The following PHKG2 variants were observed in gnomAD, a reference collection of about 807,000 sequenced individuals.
PHKG2 encodes phosphorylase kinase catalytic subunit gamma 2.
A neutral mutation model predicts 44.5 loss-of-function variants in PHKG2; 28 were observed. The observed-to-expected ratio is 0.63, with a 90% CI of 0.47 to 0.86. PHKG2 has a LOEUF of 0.86. PHKG2 is among the 40% of genes least tolerant of loss of function. PHKG2 has a pLI of 0.00. For missense variants in PHKG2, 498 were observed against 547.5 expected, an observed-to-expected ratio of 0.91 and a Z score of 0.90; for synonymous variants, 220 against 211.2, an observed-to-expected ratio of 1.04 and a Z score of -0.36.
chr16:30,758,789 A>C lies in PHKG2; in HGVS notation c.*1692A>C. On this transcript the variant is annotated 3_prime_UTR_variant, in exon 10 of 10. Coordinates refer to ENST00000563588, the MANE Select transcript of PHKG2 (RefSeq NM_000294.3). ...AGGCTGGTCGCGAACTCCTGAGCTC[A>C]GGCAATCCGCCTGCCTCAGATTGTG... 1.4e-6 allele frequency: 1 copy of C among 705,180 alleles called. No individual in the cohort carries two copies. Among genetic ancestry groups the C allele is most frequent in the East Asian group, 2.9e-5 (1 of 34,008 alleles). The allele number at this position is 705,180 out of a possible 1,614,324, so 43.7% of individuals were successfully genotyped here.
chr16:30,756,488 T>A lies in PHKG2; in HGVS notation c.769T>A (p.Trp257Arg). 1 of 1,613,302 alleles carries A rather than the reference T, an allele frequency of 6.2e-7. No homozygotes were observed. The highest frequency in any genetic ancestry group is 8.5e-7 in the Non-Finnish European group (1 of 1,179,968). ...EGQYQFSSPE[W>R]DDRSSTVKDL... is the part of the protein sequence containing the mutation. ...CCAGTACCAGTTCAGTTCCCCCGAG[T>A]GGGATGACCGTTCCAGCACTGTCAA... Residue 257 changes from tryptophan to arginine, a missense_variant, in exon 8 of 10, where the codon TGG becomes AGG. Coordinates refer to ENST00000563588, the MANE Select transcript of PHKG2 (RefSeq NM_000294.3).
In PHKG2 at chr16:30,756,795, C is replaced by A. The variant is rs886051913; in HGVS notation, c.928-9C>A. ...CCTGCACTAGAGCTCACCCTGCCCC[C>A]CTTCCCAGGTGGCAGTGTGGACAGT... On this transcript the variant is annotated splice_polypyrimidine_tract_variant and intron_variant, in intron 9 of 9. Coordinates refer to ENST00000563588, the MANE Select transcript of PHKG2 (RefSeq NM_000294.3). The A allele has an allele frequency of 6.2e-7, 1 of 1,614,152 alleles. No individual in the cohort carries two copies. Among genetic ancestry groups the A allele is most frequent in the Non-Finnish European group, 8.5e-7 (1 of 1,180,038 alleles).
chr16:30,755,675 C>G (rs1287287743), intron 6 of PHKG2, among the ~76,000 whole-genome samples: 1 of 151,262 alleles, frequency 6.6e-6, no homozygotes, highest in Non-Finnish European at 1.5e-5. Flanking sequence ...GACTCCATCT[C>G]CAAAAAAAAA....
rs1330541599 is a variant in PHKG2 at position 30,748,466 on chromosome 16, C to T, written c.-43C>T. The T allele has an allele frequency of 2.9e-5, 10 of 345,422 alleles. No individual in the cohort carries two copies. The highest frequency in any genetic ancestry group is 2.2e-5 in the African/African-American group (1 of 45,478). The allele number at this position is 345,422 out of a possible 1,614,324, so 21.4% of individuals were successfully genotyped here. A position where few individuals can be genotyped will look rare whatever the true frequency, so the allele number is the denominator to read the frequency against. ...GGCGACAGCGCAGCTCGCGTCGACC[C>T]TGGCTCCTCTGCCTGCCCCCTCAGG... On this transcript the variant is annotated 5_prime_UTR_variant, in exon 1 of 10. Transcript: ENST00000563588.
intron 3 of PHKG2, 72 bp from the exon 4 acceptor site, chr16:30,751,477 T>C: frequency 7.0e-7 from 1 of 1,426,928 alleles, no homozygotes; most frequent in Non-Finnish European, 9.9e-7. Context: ...TGTCCCAGGG[T>C]GGCCAAGCCC....
Position 30,749,109 on chromosome 16 carries a change from CTGGTGG to C in PHKG2, c.95+197_95+202del, listed in dbSNP as rs200724112. Among the ~76,000 whole-genome samples, 15 of 16,598 alleles carry C rather than the reference CTGGTGG, an allele frequency of 9.0e-4. 1 individual carries two copies. The highest frequency in any genetic ancestry group is 1.7e-3 in the African/African-American group (9 of 5,414). 10.9% of individuals were successfully genotyped at this position (16,598 alleles called of 152,430 possible). ...GGTGGTGCTGCTGCTGCTGCTGCTG[CTGGTGG>C]TGCTGGTGCTGGTGGTGGTGGTGCT... On this transcript the variant is annotated intron_variant, in intron 2 of 9. Coordinates refer to ENST00000563588, the MANE Select transcript of PHKG2 (RefSeq NM_000294.3).
chr16:30,759,562 A>G lies in PHKG2; in HGVS notation c.*2465A>G. The G allele has an allele frequency of 6.2e-7, 1 of 1,614,122 alleles. No homozygotes were observed. On this transcript the variant is annotated 3_prime_UTR_variant, in exon 10 of 10. Transcript: ENST00000563588. ...GCAAGGAGAGCCCACTGGGGTCTTCACAAGAAGATAAGGGTGATGAATGTG... is the reference window on the plus strand; with the variant it reads ...GCAAGGAGAGCCCACTGGGGTCTTCGCAAGAAGATAAGGGTGATGAATGTG...
intron 1 of PHKG2, 66 bp from the exon 2 acceptor site, chr16:30,748,724 GCGCCCCCGGGAGC>G: frequency 1.7e-6 from 1 of 583,058 alleles, no homozygotes; most frequent in Non-Finnish European, 2.9e-6. Context: ...TGCAAGGGCT[GCGCCCCCGGGAGC>G]CGCCATGCGG....
At chr16:30,753,750 C>G (rs1027080798) in intron 6 of PHKG2, among the ~76,000 whole-genome samples, 193 bp downstream of exon 6, 1 of 152,164 alleles carries the variant, frequency 6.6e-6, no homozygotes, top group African/African-American at 2.4e-5. Flanking sequence ...AGGATGGAGA[C>G]AGACAAGCAG....
At chr16:30,749,696 G>T (rs1202783333) in intron 2 of PHKG2, among the ~76,000 whole-genome samples, 2 of 152,200 alleles carry the variant, frequency 1.3e-5, no homozygotes, top group Admixed American at 1.3e-4. Flanking sequence ...AACACCTAGT[G>T]ACTAGACTCT....
rs372951902 is a variant in PHKG2, at chr16:30,748,957, G to A, written c.95+42G>A. 4.9e-5 allele frequency: 69 copies of A among 1,408,412 alleles called. 1 individual carries two copies. The African/African-American group carries it at 9.2e-4, about 19-fold the overall frequency. The allele number at this position is 1,408,412 out of a possible 1,614,324, so 87.2% of individuals were successfully genotyped here. On this transcript the variant is annotated intron_variant, in intron 2 of 9. Coordinates refer to ENST00000563588, the MANE Select transcript of PHKG2 (RefSeq NM_000294.3). ...GGAAACGGAGGTCCAAAGAGGTCGA[G>A]CCCCAGCATTCCCGCTTCCGTTTGA...
Position 30,757,554 on chromosome 16 carries a change from T to TTC in PHKG2, c.*458_*459dup. ...GTGCAGTCAACTTGCTGCTGAGCCTTTCCTCGCTGGCCTTGAGCCGCTCCT... is the reference window on the plus strand; with the variant it reads ...GTGCAGTCAACTTGCTGCTGAGCCTTTCTCCTCGCTGGCCTTGAGCCGCTCCT... On this transcript the variant is annotated 3_prime_UTR_variant, in exon 10 of 10. Transcript: ENST00000563588. The TTC allele has an allele frequency of 6.2e-7, 1 of 1,614,230 alleles. No homozygotes were observed. The highest frequency in any genetic ancestry group is 8.5e-7 in the Non-Finnish European group (1 of 1,180,032).
At position 30,759,955 on chromosome 16, in the gene PHKG2, C is replaced by T. The variant is rs938464523; in HGVS notation, c.*2858C>T. On this transcript the variant is annotated 3_prime_UTR_variant, in exon 10 of 10. Coordinates refer to ENST00000563588, the MANE Select transcript of PHKG2 (RefSeq NM_000294.3). ...GTCCTGCCCTTACGAAGCTTATATT[C>T]TAGGGGAATAAACCAAGAAATAGAT... The T allele has an allele frequency of 1.4e-6, 2 of 1,446,994 alleles. No homozygotes were observed. The highest frequency in any genetic ancestry group is 1.8e-6 in the Non-Finnish European group (2 of 1,106,674). The allele number at this position is 1,446,994 out of a possible 1,614,324, so 89.6% of individuals were successfully genotyped here. A position where few individuals can be genotyped will look rare whatever the true frequency, so the allele number is the denominator to read the frequency against.
At position 30,751,171 on chromosome 16, in the gene PHKG2, T is replaced by C; in HGVS notation, c.161T>C (p.Ile54Thr). The change falls in exon 3 of 10, where the codon ATT becomes ACT. Residue 54 changes from isoleucine (I) to threonine (T), a missense_variant. Physicochemically the swap from Ile to Thr is moderately conservative, Grantham distance 89. Transcript: ENST00000563588. Reference sequence around the variant, plus strand: ...ACTGGCCACGAGTTTGCGGTGAAGATTATGGAAGTGACAGCTGAGCGGCTG... The same window carrying C: ...ACTGGCCACGAGTTTGCGGTGAAGACTATGGAAGTGACAGCTGAGCGGCTG... ...RATGHEFAVK[I>T]MEVTAERLSP... 1 of 1,613,966 alleles carries C rather than the reference T, an allele frequency of 6.2e-7. No homozygotes were observed. Among genetic ancestry groups the C allele is most frequent in the Non-Finnish European group, 8.5e-7 (1 of 1,180,020 alleles).
Position 30,756,908 on chromosome 16 carries a change from G to A in PHKG2, c.1032G>A (p.Arg344=). ...TGTTGAGGGACCCTTATGCGCTGCG[G>A]TCAGTGCGGCACCTCATCGACAACT... ...NALLRDPYAL[R]SVRHLIDNCA... The change falls in exon 10 of 10, where the codon CGG becomes CGA. Residue 344 remains arginine, a synonymous_variant. Transcript: ENST00000563588. 1 of 1,614,116 alleles carries A rather than the reference G, an allele frequency of 6.2e-7. No individual in the cohort carries two copies. The highest frequency in any genetic ancestry group is 8.5e-7 in the Non-Finnish European group (1 of 1,180,042).
At position 30,758,429 on chromosome 16, in the gene PHKG2, G is replaced by A. The variant is rs2053520572; in HGVS notation, c.*1332G>A. The A allele has an allele frequency of 6.4e-6, 1 of 156,712 alleles. No individual in the cohort carries two copies. The highest frequency in any genetic ancestry group is 1.4e-5 in the Non-Finnish European group (1 of 70,736). The allele number at this position is 156,712 out of a possible 1,614,324, so 9.7% of individuals were successfully genotyped here. ...GGATACGAGCAGAACATGCAGGTTT[G>A]CTACGTAGGTATACATGGGCCATGG... On this transcript the variant is annotated 3_prime_UTR_variant, in exon 10 of 10. Coordinates refer to ENST00000563588, the MANE Select transcript of PHKG2 (RefSeq NM_000294.3).
At position 30,751,141 on chromosome 16, in the gene PHKG2, G is replaced by C. The variant is rs778737777; in HGVS notation, c.131G>C (p.Arg44Pro). The C allele has an allele frequency of 1.2e-6, 2 of 1,613,870 alleles. No individual in the cohort carries two copies. The highest frequency in any genetic ancestry group is 4.5e-5 in the East Asian group (2 of 44,882). Residue 44 changes from arginine (R) to proline (P), a missense_variant, in exon 3 of 10, where the codon CGA (arginine) becomes CCA (proline). Transcript: ENST00000563588. ...TCTGTGGTCCGCCGTTGTGTTCATC[G>C]AGCTACTGGCCACGAGTTTGCGGTG... ...VSSVVRRCVH[R>P]ATGHEFAVKI...
chr16:30,748,775 G>T, intron 1 of PHKG2, 28 bp from the exon 2 acceptor site: 3 of 1,406,382 alleles, frequency 2.1e-6, no homozygotes, highest in East Asian at 2.8e-5. Context: ...GGGCCTCCCT[G>T]CCCTCACTGC....
At position 30,757,545 on chromosome 16, in the gene PHKG2, G is replaced by A; in HGVS notation, c.*448G>A. The stretch of plus-strand genomic sequence containing the variant: ...GCCGCTCTAGTGCAGTCAACTTGCT[G>A]CTGAGCCTTTCCTCGCTGGCCTTGA... On this transcript the variant is annotated 3_prime_UTR_variant, in exon 10 of 10. Coordinates refer to ENST00000563588, the MANE Select transcript of PHKG2 (RefSeq NM_000294.3). 6.2e-7 allele frequency: 1 copy of A among 1,614,266 alleles called. No homozygotes were observed. Among genetic ancestry groups the A allele is most frequent in the Non-Finnish European group, 8.5e-7 (1 of 1,180,052 alleles).
Sources: gnomAD v4.1 joint callset for allele counts (sites outside exome capture counted in the v4.1 genomes callset) on GRCh38, gnomAD v4.1.1 for gene constraint, MANE v1.5 for transcripts, NCBI Gene and HGNC (gene_info 2026-07-23, HGNC 2026-07-21) for gene names.